The following PTBP1 variants were observed in gnomAD, a reference collection of about 807,000 sequenced individuals.
PTBP1 encodes polypyrimidine tract-binding protein 1.
Under a neutral mutation model 59.8 loss-of-function variants are expected in PTBP1, and 8 were observed. That is an observed-to-expected ratio of 0.13 (90% CI 0.08 to 0.24). The LOEUF (loss-of-function observed/expected upper bound fraction) is 0.24, where lower values mean the gene tolerates loss of function less well. Among genes scored for constraint, PTBP1 ranks in the 10% least tolerant of loss-of-function variants. The pLI is 1.00. For missense variants in PTBP1, 686 were observed against 767.0 expected (o/e 0.89, Z 1.25); for synonymous variants, 490 against 320.7 (o/e 1.53, Z -5.64).
chr19:799,512 C>T, intron 2 of PTBP1, 69 bp downstream of exon 2: 1 of 1,526,292 alleles, frequency 6.6e-7, no homozygotes, highest in Non-Finnish European at 9.1e-7. Context: ...GGGCCACCCC[C>T]CAGCGCTGTT....
At position 808,200 on chromosome 19, in the gene PTBP1, A is replaced by G; in HGVS notation, c.1154-160A>G. On this transcript the variant is annotated intron_variant, in intron 11 of 14. Transcript: ENST00000356948. This position sits in a 1 kb window ranked among gnomAD's most constrained non-coding sequence, Gnocchi z 4.7. ...TTTGCTGAACGGAGCTGCTCCTGTT[A>G]GCGCGCCCTGTGGCTGCGAGACGCA... 2 of 674,620 alleles carry G rather than the reference A, an allele frequency of 3.0e-6. No homozygotes were observed. Among genetic ancestry groups the G allele is most frequent in the Non-Finnish European group, 5.2e-6 (2 of 381,968 alleles). The allele number at this position is 674,620 out of a possible 1,614,324, so 41.8% of individuals were successfully genotyped here.
chr19:809,299 C>G (rs2034737417), intron 13 of PTBP1, among the ~76,000 whole-genome samples: 1 of 146,412 alleles, frequency 6.8e-6, no homozygotes, highest in African/African-American at 2.6e-5. Flanking sequence ...AGCCACCGCG[C>G]CTAGCCACAT....
Position 804,162 on chromosome 19 carries a change from C to T in PTBP1, c.242C>T (p.Pro81Leu). 2.5e-6 allele frequency: 4 copies of T among 1,611,622 alleles called. No individual in the cohort carries two copies. The highest frequency in any genetic ancestry group is 3.4e-6 in the Non-Finnish European group (4 of 1,178,408). Reference protein sequence around the residue: ...TEGEVISLGLPFGKVTNLLML... With the variant: ...TEGEVISLGLLFGKVTNLLML... ...GGGGAAGTCATCTCCCTGGGGCTGCCCTTTGGGAAGGTCACCAACCTCCTG... is the reference window on the plus strand; with the variant it reads ...GGGGAAGTCATCTCCCTGGGGCTGCTCTTTGGGAAGGTCACCAACCTCCTG... Residue 81 changes from proline (P) to leucine (L), a missense_variant, in exon 4 of 15, where the codon CCC becomes CTC. By Grantham distance (98) the Pro-to-Leu change is moderately conservative. Transcript: ENST00000356948.
In PTBP1 at chr19:804,678, T is replaced by C. The variant is rs781607948; in HGVS notation, c.582T>C (p.Pro194=). 12 of 1,612,550 alleles carry C rather than the reference T, an allele frequency of 7.4e-6. No individual in the cohort carries two copies. In the East Asian group the frequency reaches 2.2e-4, roughly 30 times the overall value. The change falls in exon 6 of 15, where the codon CCT becomes CCC. Residue 194 remains proline, a synonymous_variant. Coordinates refer to ENST00000356948, the MANE Select transcript of PTBP1 (RefSeq NM_002819.5). ...TCATCGTGGAGAACCTCTTCTACCC[T>C]GTGACCCTGGATGTGCTGCACCAGG... is the stretch of plus-strand genomic sequence containing the variant. The part of the protein sequence containing the change: ...LRIIVENLFY[P]VTLDVLHQIF...
At chr19:805,994 G>GGCCAGCAC (rs1294644434) in intron 9 of PTBP1, 1 of 258,218 alleles carries the variant, frequency 3.9e-6, no homozygotes, top group East Asian at 1.1e-4. Flanking sequence ...ACCGGGGCCC[G>GGCCAGCAC]GCCGCCCCAG....
rs2034839390 is a variant in PTBP1 at position 811,023 on chromosome 19, C to G, written c.*197C>G. ...TGCGGTGACAGGGACAGCTCAGGCT[C>G]TTGGTGACTGTGGCAGCGGGAGTTC... On this transcript the variant is annotated 3_prime_UTR_variant, in exon 15 of 15. Transcript: ENST00000356948. The G allele has an allele frequency of 3.6e-6, 2 of 552,558 alleles. No individual in the cohort carries two copies. Among genetic ancestry groups the G allele is most frequent in the South Asian group, 6.6e-5 (2 of 30,396 alleles). 34.2% of individuals were successfully genotyped at this position (552,558 alleles called of 1,614,324 possible).
At chr19:809,868 T>C (rs963863143) in intron 13 of PTBP1, among the ~76,000 whole-genome samples, 3 of 152,172 alleles carry the variant, frequency 2.0e-5, no homozygotes, top group Admixed American at 2.0e-4. Flanking sequence ...ACTGCCAGAC[T>C]CCAGGCTGGG....
intron 3 of PTBP1, among the ~76,000 whole-genome samples, 193 bp from the exon 4 acceptor site, chr19:803,843 G>T (rs1436404719): frequency 6.6e-6 from 1 of 152,190 alleles, no homozygotes; most frequent in Non-Finnish European, 1.5e-5. Context: ...CCTGTGGGCG[G>T]GTTGTCAGGA....
At chr19:809,190 G>C (rs1427167197) in intron 13 of PTBP1, among the ~76,000 whole-genome samples, 1 of 151,976 alleles carries the variant, frequency 6.6e-6, no homozygotes, top group Non-Finnish European at 1.5e-5. Context: ...TGTATTTTTA[G>C]TAGAGACGGG....
rs1279436733 is a variant in PTBP1, at chr19:804,357, C to G, written c.354C>G (p.Thr118=). 17 of 1,613,360 alleles carry G rather than the reference C, an allele frequency of 1.1e-5. No individual in the cohort carries two copies. Among genetic ancestry groups the G allele is most frequent in the Admixed American group, 1.7e-5 (1 of 60,014 alleles). The change falls in exon 5 of 15, where the codon ACC becomes ACG. Residue 118 remains threonine, a synonymous_variant. Transcript: ENST00000356948. The part of the protein sequence containing the change: ...NTMVNYYTSV[T]PVLRGQPIYI... ...TGGTGAACTACTACACCTCGGTGAC[C>G]CCTGTGCTGCGCGGCCAGCCCATCT...
In PTBP1 at chr19:811,584, TC is replaced by T. The variant is rs2034878005; in HGVS notation, c.*760del. 2 of 152,420 alleles carry T rather than the reference TC, an allele frequency of 1.3e-5. No homozygotes were observed. Among genetic ancestry groups the T allele is most frequent in the Non-Finnish European group, 2.9e-5 (2 of 68,044 alleles). 9.4% of individuals were successfully genotyped at this position (152,420 alleles called of 1,614,324 possible). ...CAATGGTATGAGTGTAATCTAAACT[TC>T]CTTGTGGTATTACCTTGTATGCTGT... On this transcript the variant is annotated 3_prime_UTR_variant, in exon 15 of 15. Coordinates refer to ENST00000356948, the MANE Select transcript of PTBP1 (RefSeq NM_002819.5).
In PTBP1 at chr19:804,126, A is replaced by T; in HGVS notation, c.206A>T (p.Asp69Val). 6.2e-7 allele frequency: 1 copy of T among 1,613,848 alleles called. No homozygotes were observed. Among genetic ancestry groups the T allele is most frequent in the Non-Finnish European group, 8.5e-7 (1 of 1,179,878 alleles). ...RVIHIRKLPI[D>V]VTEGEVISLG... ...ATCCACATCCGGAAGCTCCCCATCG[A>T]CGTCACGGAGGGGGAAGTCATCTCC... The change falls in exon 4 of 15, where the codon GAC becomes GTC. Residue 69 changes from aspartate (D) to valine (V), a missense_variant. Asp to Val is a radical substitution (Grantham distance 152). Coordinates refer to ENST00000356948, the MANE Select transcript of PTBP1 (RefSeq NM_002819.5).
chr19:806,617 G>T, intron 10 of PTBP1, 61 bp downstream of exon 10: 1 of 1,417,504 alleles, frequency 7.1e-7, no homozygotes, highest in Non-Finnish European at 9.2e-7. Context: ...GGGATGTTGT[G>T]CTCGGGCTCG....
intron 13 of PTBP1, among the ~76,000 whole-genome samples, chr19:809,973 C>T (rs1323904092): frequency 6.6e-6 from 1 of 152,134 alleles, no homozygotes; most frequent in Non-Finnish European, 1.5e-5. Context: ...AGTAGTAAGC[C>T]CTTTGATATT....
At position 803,054 on chromosome 19, in the gene PTBP1, G is replaced by A. The variant is rs923822073; in HGVS notation, c.40-507G>A. On this transcript the variant is annotated intron_variant, in intron 2 of 14. Transcript: ENST00000356948. ...AAAACAGGAGAGGAGGGGCTCCTGCGAGAGTGAGGGAGGCAGCGCTATAAT... is the reference window on the plus strand; with the variant it reads ...AAAACAGGAGAGGAGGGGCTCCTGCAAGAGTGAGGGAGGCAGCGCTATAAT... Among the ~76,000 whole-genome samples, 4 of 152,316 alleles carry A rather than the reference G, an allele frequency of 2.6e-5. No homozygotes were observed. The South Asian group carries it at 6.2e-4, about 24-fold the overall frequency.
Position 803,629 on chromosome 19 carries a change from T to C in PTBP1, c.108T>C (p.Ala36=), listed in dbSNP as rs565740527. Residue 36 remains alanine, a synonymous_variant, in exon 3 of 15, where the codon GCT becomes GCC. Transcript: ENST00000356948. ...NGPFIMSSNS[A]SAANGNDSKK... ...CGTTTATCATGAGCAGCAACTCGGCTTCTGCAGGTAAGGCCGGGACTCGGC... is the reference window on the plus strand; with the variant it reads ...CGTTTATCATGAGCAGCAACTCGGCCTCTGCAGGTAAGGCCGGGACTCGGC... The C allele has an allele frequency of 2.5e-6, 4 of 1,614,132 alleles. No individual in the cohort carries two copies. The highest frequency in any genetic ancestry group is 2.5e-6 in the Non-Finnish European group (3 of 1,179,956).
rs1260849637 is a variant in PTBP1, at chr19:808,268, G to A, written c.1154-92G>A. 5 of 1,096,858 alleles carry A rather than the reference G, an allele frequency of 4.6e-6. No homozygotes were observed. Among genetic ancestry groups the A allele is most frequent in the African/African-American group, 3.1e-5 (2 of 64,048 alleles). The allele number at this position is 1,096,858 out of a possible 1,614,324, so 67.9% of individuals were successfully genotyped here. ...AAAGCAAACCCGGCCGGGCTGAGCC[G>A]GGCCTTGTGGGGGTGCGCGGGGCCG... On this transcript the variant is annotated intron_variant, in intron 11 of 14. Transcript: ENST00000356948. The surrounding 1 kb of genome is among the most constrained non-coding windows in gnomAD (Gnocchi z 4.7).
At chr19:798,625 C>T (rs1168434054) in intron 1 of PTBP1, 1 of 152,222 alleles carries the variant, frequency 6.6e-6, no homozygotes, top group Non-Finnish European at 1.5e-5. Flanking sequence ...GCACTCGCCT[C>T]CCGGAGTGAG....
intron 2 of PTBP1, among the ~76,000 whole-genome samples, chr19:802,229 C>T (rs997994833): frequency 7.2e-5 from 11 of 152,192 alleles, no homozygotes; most frequent in Non-Finnish European, 1.3e-4. Flanking sequence ...CCGTCCGCGT[C>T]GGGAGGAGGC....
Sources: allele counts gnomAD v4.1 joint callset (sites outside exome capture counted in the v4.1 genomes callset), GRCh38; gene constraint gnomAD v4.1.1; non-coding constraint Gnocchi (gnomAD v3.1); transcripts MANE v1.5; gene names NCBI Gene and HGNC (gene_info 2026-07-23, HGNC 2026-07-21).